UBR2: variants seen among roughly 807,000 people sequenced by gnomAD.
UBR2 encodes the protein ubiquitin protein ligase E3 component n-recognin 2, also known as E3 ubiquitin-protein ligase UBR2.
In UBR2, 92 loss-of-function variants were observed where a neutral mutation model predicts 247.9. The observed-to-expected ratio is 0.37, with a 90% CI of 0.31 to 0.44. UBR2 has a LOEUF of 0.44. UBR2 is among the 20% of genes least tolerant of loss of function. The probability of loss-of-function intolerance (pLI) is 1.00; values close to 1 mark genes in which losing one functional copy is unlikely to be tolerated. For synonymous variants in UBR2, 672 were observed against 693.5 expected (o/e 0.97, Z 0.49); for missense variants, 1,613 against 2,112.6 (o/e 0.76, Z 4.64).
intron 21 of UBR2, 82 bp from the exon 22 acceptor site, chr6:42,648,036 A>C: frequency 1.8e-6 from 2 of 1,095,978 alleles, no homozygotes; most frequent in Non-Finnish European, 2.8e-6. Context: ...GGTTGTTATG[A>C]GGGTCAATGA....
intron 4 of UBR2, among the ~76,000 whole-genome samples, chr6:42,595,714 T>C (rs1792925564): frequency 6.7e-6 from 1 of 148,644 alleles, no homozygotes; most frequent in Non-Finnish European, 1.5e-5. Context: ...CATGACCCTG[T>C]CTTTAAAAAA....
intron 4 of UBR2, among the ~76,000 whole-genome samples, chr6:42,601,314 G>C (rs996500363): frequency 6.6e-6 from 1 of 152,092 alleles, no homozygotes; most frequent in Non-Finnish European, 1.5e-5. Flanking sequence ...GATTCTTTCT[G>C]TATACAAGTG....
At chr6:42,575,806 C>G (rs150483736) in intron 2 of UBR2, among the ~76,000 whole-genome samples, 14 of 152,228 alleles carry the variant, frequency 9.2e-5, no homozygotes, top group African/African-American at 3.1e-4. Flanking sequence ...ACTCTTTTCC[C>G]CTATGTGATC....
chr6:42,691,415 TC>T lies in UBR2; in HGVS notation c.*244del. The T allele has an allele frequency of 2.0e-6, 1 of 507,444 alleles. No individual in the cohort carries two copies. Among genetic ancestry groups the T allele is most frequent in the Non-Finnish European group, 3.5e-6 (1 of 287,664 alleles). 31.4% of individuals were successfully genotyped at this position (507,444 alleles called of 1,614,324 possible). A position where few individuals can be genotyped will look rare whatever the true frequency, so the allele number is the denominator to read the frequency against. On this transcript the variant is annotated 3_prime_UTR_variant, in exon 47 of 47. Coordinates refer to ENST00000372901, the MANE Select transcript of UBR2 (RefSeq NM_001363705.2). ...TTAAGATCGAGCAAGGAGCTTCTCTTCCTAGATTGGATCCCAGCCCCTTTGT... is the reference window on the plus strand; with the variant it reads ...TTAAGATCGAGCAAGGAGCTTCTCTTCTAGATTGGATCCCAGCCCCTTTGT...
In UBR2 at chr6:42,564,072, T is replaced by C. The variant is rs1790630372; in HGVS notation, c.-248T>C. 3.8e-6 allele frequency: 2 copies of C among 530,024 alleles called. No individual in the cohort carries two copies. Among genetic ancestry groups the C allele is most frequent in the South Asian group, 2.5e-5 (1 of 39,276 alleles). 32.8% of individuals were successfully genotyped at this position (530,024 alleles called of 1,614,324 possible). A position where few individuals can be genotyped will look rare whatever the true frequency, so the allele number is the denominator to read the frequency against. ...GTCAGGCCTGGGGTTTTCTGTGTCC[T>C]TCCCTGGGTCAGGGACGAGCCAGTG... On this transcript the variant is annotated 5_prime_UTR_variant, in exon 1 of 47. Coordinates refer to ENST00000372901, the MANE Select transcript of UBR2 (RefSeq NM_001363705.2).
At chr6:42,637,709 A>G (rs566188617) in intron 15 of UBR2, among the ~76,000 whole-genome samples, 56 of 152,314 alleles carry the variant, frequency 3.7e-4, no homozygotes, top group African/African-American at 1.3e-3. Flanking sequence ...CAAGGACATA[A>G]TGGGGTGATA....
intron 2 of UBR2, among the ~76,000 whole-genome samples, chr6:42,574,831 G>C (rs983485661): frequency 5.3e-5 from 8 of 152,006 alleles, no homozygotes; most frequent in Non-Finnish European, 1.2e-4. Context: ...AACTGGCTGG[G>C]ATTACAGGCT....
chr6:42,679,330 G>C (rs952828461), intron 41 of UBR2, among the ~76,000 whole-genome samples: 4 of 152,252 alleles, frequency 2.6e-5, no homozygotes, highest in African/African-American at 4.8e-5. Flanking sequence ...GTGATGATTA[G>C]AGTTGGTATT....
At chr6:42,588,300 C>G (rs1792426015) in intron 2 of UBR2, among the ~76,000 whole-genome samples, 1 of 152,232 alleles carries the variant, frequency 6.6e-6, no homozygotes, top group African/African-American at 2.4e-5. Context: ...CATGCCCTCT[C>G]TGGGCATGCC....
At chr6:42,650,594 G>C (rs1797055333) in intron 23 of UBR2, among the ~76,000 whole-genome samples, 1 of 152,094 alleles carries the variant, frequency 6.6e-6, no homozygotes, top group African/African-American at 2.4e-5. Context: ...ACTGTATCTG[G>C]CTTGAATTTT....
At chr6:42,686,959 G>A (rs1022493038) in intron 44 of UBR2, among the ~76,000 whole-genome samples, 3 of 149,626 alleles carry the variant, frequency 2.0e-5, no homozygotes, top group Non-Finnish European at 4.5e-5. Flanking sequence ...CCACATCCCA[G>A]ACGATGGGCG....
intron 41 of UBR2, 110 bp from the exon 42 acceptor site, chr6:42,679,614 C>T: frequency 2.5e-6 from 2 of 787,406 alleles, no homozygotes; most frequent in South Asian, 3.3e-5. Flanking sequence ...ACGTACCTGG[C>T]AAATTGGAAG....
At chr6:42,628,346 T>C (rs1795482984) in intron 11 of UBR2, among the ~76,000 whole-genome samples, 1 of 152,092 alleles carries the variant, frequency 6.6e-6, no homozygotes. Flanking sequence ...CCCTAGATAT[T>C]AGTGGAATGT....
At position 42,575,564 on chromosome 6, in the gene UBR2, A is replaced by G. The variant is rs1196114834; in HGVS notation, c.338+1571A>G. ...TTTCCTCAATTTTTCTGTGACTTTC[A>G]TGATCTTGACACTTTTGAAGATTAC... is the stretch of plus-strand genomic sequence containing the variant. On this transcript the variant is annotated intron_variant, in intron 2 of 46. Coordinates refer to ENST00000372901, the MANE Select transcript of UBR2 (RefSeq NM_001363705.2). Among the ~76,000 whole-genome samples the G allele has an allele frequency of 3.9e-5, 6 of 152,256 alleles. No individual in the cohort carries two copies. In the Middle Eastern group the frequency reaches 0.017, roughly 435 times the overall value.
chr6:42,633,464 C>G (rs992029275), intron 13 of UBR2, among the ~76,000 whole-genome samples: 1 of 151,930 alleles, frequency 6.6e-6, no homozygotes, highest in African/African-American at 2.4e-5. Flanking sequence ...AATCTCAGCT[C>G]ACTGCAATCT....
chr6:42,648,839 A>G (rs547188420), intron 22 of UBR2, among the ~76,000 whole-genome samples: 8 of 152,118 alleles, frequency 5.3e-5, no homozygotes, highest in Non-Finnish European at 1.2e-4. Flanking sequence ...CTATACTTGG[A>G]ACACATATTT....
At chr6:42,598,421 C>CTT (rs745338297) in intron 4 of UBR2, among the ~76,000 whole-genome samples, 60 of 152,190 alleles carry the variant, frequency 3.9e-4, no homozygotes, top group South Asian at 6.2e-4. Context: ...GTACTATCTC[C>CTT]TTTACAGAAA....
chr6:42,636,901 T>A, intron 14 of UBR2, 110 bp from the exon 15 acceptor site: 1 of 1,207,186 alleles, frequency 8.3e-7, no homozygotes, highest in Non-Finnish European at 1.1e-6. Flanking sequence ...TTGAGTTTGG[T>A]TTTGCCTATA....
At chr6:42,596,378 A>T (rs187690032) in intron 4 of UBR2, among the ~76,000 whole-genome samples, 2 of 151,692 alleles carry the variant, frequency 1.3e-5, no homozygotes, top group Admixed American at 1.3e-4. Context: ...AGAAATTAGA[A>T]CCCTTGTATA....
Sources: gnomAD v4.1 joint callset for allele counts (sites outside exome capture counted in the v4.1 genomes callset) on GRCh38, gnomAD v4.1.1 for gene constraint, MANE v1.5 for transcripts, NCBI Gene and HGNC (gene_info 2026-07-23, HGNC 2026-07-21) for gene names.